The following DAB1 variants were observed in gnomAD, a reference collection of about 807,000 sequenced individuals.
The protein encoded by DAB1 is disabled homolog 1.
In DAB1, 15 loss-of-function variants were observed where a neutral mutation model predicts 64.6. That is an observed-to-expected ratio of 0.23 (90% CI 0.16 to 0.36). DAB1 has a LOEUF of 0.36. DAB1 is among the 10% of genes least tolerant of loss of function. DAB1 has a pLI of 1.00. For synonymous variants in DAB1, 235 were observed against 251.9 expected (o/e 0.93, Z 0.64); for missense variants, 596 against 706.7 (o/e 0.84, Z 1.78).
intron 9 of DAB1, among the ~76,000 whole-genome samples, chr1:57,034,278 C>CAAAAAAAAAAAAAA (rs375684000): frequency 2.5e-5 from 3 of 119,222 alleles, no homozygotes; most frequent in African/African-American, 3.5e-5. Context: ...GACTCCATTT[C>CAAAAAAAAAAAAAA]AAAAAAAAAA....
Position 57,011,135 on chromosome 1 carries a change from G to T in DAB1, c.1572+10C>A, listed in dbSNP as rs201030683. The T allele has an allele frequency of 6.2e-7, 1 of 1,613,728 alleles. No homozygotes were observed. Among genetic ancestry groups the T allele is most frequent in the South Asian group, 1.1e-5 (1 of 91,044 alleles). On this transcript the variant is annotated intron_variant, in intron 13 of 14. Transcript: ENST00000371236. ...GAAAAACACAAACAAATAACAAACTGGTCACTTACAGCTTCTTGCTCTTCG... is the reference window on the plus strand; with the variant it reads ...GAAAAACACAAACAAATAACAAACTTGTCACTTACAGCTTCTTGCTCTTCG...
At chr1:58,340,493 A>T (rs918106216) in intron 4 of DAB1, among the ~76,000 whole-genome samples, 7 of 152,222 alleles carry the variant, frequency 4.6e-5, no homozygotes, top group African/African-American at 1.4e-4. Flanking sequence ...TGAGGTCATT[A>T]GAACAGTAAT....
intron 2 of DAB1, among the ~76,000 whole-genome samples, chr1:57,275,156 G>C (rs1396638466): frequency 1.3e-5 from 2 of 152,220 alleles, no homozygotes; most frequent in East Asian, 1.9e-4. Context: ...AAAAGAGAGA[G>C]AGAATATAAA....
At chr1:57,127,526 AT>A (rs1178799938) in intron 4 of DAB1, among the ~76,000 whole-genome samples, 3 of 152,066 alleles carry the variant, frequency 2.0e-5, no homozygotes, top group Non-Finnish European at 1.5e-5. Context: ...ATGTATGTCT[AT>A]TTTTTCTTTT....
At chr1:57,283,461 T>A (rs560829822) in intron 2 of DAB1, among the ~76,000 whole-genome samples, 75 of 152,350 alleles carry the variant, frequency 4.9e-4, no homozygotes, top group African/African-American at 1.8e-3. Flanking sequence ...TATTTCTTAA[T>A]CTTGATTCTA....
chr1:58,180,281 C>CTTTTTTTTTTTTCTTTTT (rs1656710462), intron 4 of DAB1, among the ~76,000 whole-genome samples: 4 of 61,002 alleles, frequency 6.6e-5, no homozygotes, highest in African/African-American at 1.4e-4. Context: ...TTTTTCTTTT[C>CTTTTTTTTTTTTCTTTTT]TTTTTTTTTT....
At chr1:57,897,158 A>G (rs1644403767) in intron 5 of DAB1, among the ~76,000 whole-genome samples, 1 of 152,232 alleles carries the variant, frequency 6.6e-6, no homozygotes, top group African/African-American at 2.4e-5. Flanking sequence ...AGCAGAGCAC[A>G]CCGGCAGATC....
intron 4 of DAB1, among the ~76,000 whole-genome samples, chr1:57,111,994 G>A (rs972012821): frequency 2.0e-5 from 3 of 152,102 alleles, no homozygotes; most frequent in Non-Finnish European, 2.9e-5. Flanking sequence ...CAGTTTCAAT[G>A]TCTGCCAAAT....
At chr1:57,604,385 T>G (rs1645610158) in intron 7 of DAB1, among the ~76,000 whole-genome samples, 1 of 149,512 alleles carries the variant, frequency 6.7e-6, no homozygotes, top group African/African-American at 2.5e-5. Flanking sequence ...GTTTTGAAAT[T>G]TATTGCTTGT....
intron 6 of DAB1, among the ~76,000 whole-genome samples, chr1:57,719,997 A>G (rs1413121447): frequency 6.6e-6 from 1 of 152,128 alleles, no homozygotes; most frequent in Non-Finnish European, 1.5e-5. Flanking sequence ...AGTTGTTCCC[A>G]TCTGTGAAAT....
chr1:57,288,660 C>T (rs950948478), intron 2 of DAB1, among the ~76,000 whole-genome samples: 9 of 151,936 alleles, frequency 5.9e-5, no homozygotes, highest in Middle Eastern at 3.4e-3. Flanking sequence ...TTTAAGCTGT[C>T]AAGTCTATGG....
intron 1 of DAB1, among the ~76,000 whole-genome samples, chr1:58,539,615 G>A (rs953331781): frequency 1.4e-4 from 22 of 152,170 alleles, no homozygotes; most frequent in African/African-American, 5.1e-4. Context: ...CAATAAAGTG[G>A]ATTAGATAAA....
At chr1:57,469,636 C>G (rs1687072643) in intron 7 of DAB1, among the ~76,000 whole-genome samples, 1 of 152,248 alleles carries the variant, frequency 6.6e-6, no homozygotes, top group Admixed American at 6.5e-5. Flanking sequence ...TAACTCTGCC[C>G]AGATATGTGT....
chr1:57,506,638 G>A (rs566408646), intron 7 of DAB1, among the ~76,000 whole-genome samples: 8 of 152,262 alleles, frequency 5.3e-5, no homozygotes, highest in African/African-American at 1.7e-4. Flanking sequence ...CATGCCCATG[G>A]TGCCATCATT....
At chr1:57,635,940 A>C (rs1377087335) in intron 7 of DAB1, among the ~76,000 whole-genome samples, 10 of 147,216 alleles carry the variant, frequency 6.8e-5, no homozygotes, top group African/African-American at 2.4e-4. Context: ...CTAAAAATAC[A>C]ACAAAAATTA....
intron 7 of DAB1, among the ~76,000 whole-genome samples, chr1:57,450,346 A>G (rs531847488): frequency 3.9e-5 from 6 of 152,240 alleles, no homozygotes; most frequent in Non-Finnish European, 4.4e-5. Context: ...GTGTTACGAG[A>G]AGAGAAATAG....
intron 1 of DAB1, among the ~76,000 whole-genome samples, chr1:57,882,092 G>A (rs748127371): frequency 2.2e-4 from 33 of 152,132 alleles, no homozygotes; most frequent in Non-Finnish European, 4.7e-4. Context: ...AGAGATTCTT[G>A]TGCCACACAG....
intron 1 of DAB1, among the ~76,000 whole-genome samples, chr1:57,300,374 T>C (rs1037810485): frequency 6.6e-6 from 1 of 152,200 alleles, no homozygotes; most frequent in Non-Finnish European, 1.5e-5. Flanking sequence ...GGATAGGCAC[T>C]GCCTCAACCT....
intron 8 of DAB1, among the ~76,000 whole-genome samples, chr1:57,065,330 C>T (rs950290908): frequency 2.0e-5 from 3 of 152,154 alleles, no homozygotes; most frequent in African/African-American, 7.2e-5. Context: ...TGTCATGCAT[C>T]ACGCGTTCCC....
Sources: allele counts gnomAD v4.1 joint callset (sites outside exome capture counted in the v4.1 genomes callset), GRCh38; gene constraint gnomAD v4.1.1; transcripts MANE v1.5; gene names NCBI Gene and HGNC (gene_info 2026-07-23, HGNC 2026-07-21).